TBC1D5: variants seen among roughly 807,000 people sequenced by gnomAD.
The protein encoded by TBC1D5 is TBC1 domain family member 5.
Under a neutral mutation model 100.3 loss-of-function variants are expected in TBC1D5, and 75 were observed. The ratio of observed to expected loss-of-function variants is 0.75; its 90% confidence interval spans 0.62 to 0.91. The LOEUF (loss-of-function observed/expected upper bound fraction) is 0.91. Among genes scored for constraint, TBC1D5 ranks in the 40% least tolerant of loss-of-function variants. The probability of loss-of-function intolerance (pLI) is 0.00; values close to 1 mark genes in which losing one functional copy is unlikely to be tolerated. For synonymous variants in TBC1D5, 323 were observed against 325.6 expected (o/e 0.99, Z 0.09); for missense variants, 910 against 942.4 (o/e 0.97, Z 0.45).
chr3:17,706,075 C>A, intron 1 of TBC1D5: 3 of 1,603,190 alleles, frequency 1.9e-6, no homozygotes, highest in Non-Finnish European at 2.6e-6. Flanking sequence ...CCCCCGACCC[C>A]AGACTGGGCG....
chr3:17,203,321 C>A (rs1465205976), intron 18 of TBC1D5, among the ~76,000 whole-genome samples: 1 of 152,196 alleles, frequency 6.6e-6, no homozygotes, highest in South Asian at 2.1e-4. Context: ...AGTGTCAGTA[C>A]CCCACTGTAT....
At chr3:17,502,154 T>C (rs1184699124) in intron 3 of TBC1D5, among the ~76,000 whole-genome samples, 1 of 149,692 alleles carries the variant, frequency 6.7e-6, no homozygotes, top group Non-Finnish European at 1.5e-5. Flanking sequence ...CTTCTTCCAC[T>C]GATTTTTACT....
chr3:17,592,094 T>C (rs1382069191), intron 2 of TBC1D5, among the ~76,000 whole-genome samples: 1 of 152,234 alleles, frequency 6.6e-6, no homozygotes, highest in African/African-American at 2.4e-5. Context: ...GGCAAATGCC[T>C]TTTTCTCCAT....
At chr3:17,262,498 T>C (rs2078408521) in intron 15 of TBC1D5, among the ~76,000 whole-genome samples, 1 of 129,272 alleles carries the variant, frequency 7.7e-6, no homozygotes, top group Non-Finnish European at 1.7e-5. Context: ...TTTTTTTTTT[T>C]TGAGACAGGG....
At chr3:17,697,879 A>C (rs1285403079) in intron 1 of TBC1D5, among the ~76,000 whole-genome samples, 1 of 151,994 alleles carries the variant, frequency 6.6e-6, no homozygotes, top group African/African-American at 2.4e-5. Flanking sequence ...CAGTAACCAA[A>C]ACAGCATGGT....
intron 1 of TBC1D5, among the ~76,000 whole-genome samples, chr3:17,705,534 G>C (rs1450612032): frequency 1.4e-5 from 2 of 147,474 alleles, no homozygotes; most frequent in Non-Finnish European, 3.0e-5. Flanking sequence ...TCTCAGACGG[G>C]GCGGCCGGGC....
At chr3:17,434,457 A>G (rs968347698) in intron 3 of TBC1D5, among the ~76,000 whole-genome samples, 23 of 152,226 alleles carry the variant, frequency 1.5e-4, no homozygotes, top group African/African-American at 5.1e-4. Context: ...CCCAAGCTGT[A>G]CACTGGATTC....
At chr3:17,539,171 AAAATAAAAAATACAAAT>A (rs913573862) in intron 2 of TBC1D5, among the ~76,000 whole-genome samples, 1 of 152,182 alleles carries the variant, frequency 6.6e-6, no homozygotes, top group African/African-American at 2.4e-5. Flanking sequence ...GAGTGCTCAA[AAAATAAAAAATACAAAT>A]AAATAAAAAA....
intron 3 of TBC1D5, among the ~76,000 whole-genome samples, chr3:17,446,355 G>C (rs1195867007): frequency 1.1e-4 from 17 of 152,060 alleles, no homozygotes; most frequent in Admixed American, 1.1e-3. Context: ...AGATTCTTGA[G>C]ATATTAAGGT....
intron 1 of TBC1D5, among the ~76,000 whole-genome samples, chr3:17,701,255 C>G (rs1279294982): frequency 6.6e-6 from 1 of 152,080 alleles, no homozygotes; most frequent in Non-Finnish European, 1.5e-5. Context: ...CACATGTTCT[C>G]ACTCATAGGT....
intron 1 of TBC1D5, among the ~76,000 whole-genome samples, chr3:17,676,101 G>A (rs920966293): frequency 6.6e-6 from 1 of 151,822 alleles, no homozygotes; most frequent in African/African-American, 2.4e-5. Context: ...ATTACCCCAG[G>A]ATGACAACAG....
intron 13 of TBC1D5, among the ~76,000 whole-genome samples, chr3:17,356,736 A>G (rs1249215347): frequency 6.6e-6 from 1 of 152,174 alleles, no homozygotes; most frequent in African/African-American, 2.4e-5. Context: ...GAGGCCAATC[A>G]TATGTGGGTC....
chr3:17,693,929 C>T (rs1363735258), intron 1 of TBC1D5, among the ~76,000 whole-genome samples: 1 of 152,172 alleles, frequency 6.6e-6, no homozygotes, highest in African/African-American at 2.4e-5. Flanking sequence ...CTGCAGCCTC[C>T]GCTGGTGATA....
At chr3:17,273,693 G>T (rs1028806257) in intron 15 of TBC1D5, among the ~76,000 whole-genome samples, 1 of 151,786 alleles carries the variant, frequency 6.6e-6, no homozygotes, top group African/African-American at 2.4e-5. Flanking sequence ...TGTAATCCCA[G>T]CTACTTGGGA....
chr3:17,739,095 C>T (rs1441515874), intron 1 of TBC1D5, among the ~76,000 whole-genome samples: 1 of 152,160 alleles, frequency 6.6e-6, no homozygotes, highest in Non-Finnish European at 1.5e-5. Context: ...TCTCCCAGCT[C>T]TTCCACTGCT....
At chr3:17,715,055 C>T (rs1164006427) in intron 1 of TBC1D5, among the ~76,000 whole-genome samples, 1 of 152,198 alleles carries the variant, frequency 6.6e-6, no homozygotes, top group Non-Finnish European at 1.5e-5. Flanking sequence ...TCAGAATTAT[C>T]ACAGAATATA....
chr3:17,459,197 C>T (rs903291882), intron 3 of TBC1D5, among the ~76,000 whole-genome samples: 14 of 152,154 alleles, frequency 9.2e-5, no homozygotes, highest in African/African-American at 3.1e-4. Flanking sequence ...TATAGAGCAG[C>T]GGTCCTCAAT....
chr3:17,649,626 T>TA, intron 1 of TBC1D5, among the ~76,000 whole-genome samples: 1 of 151,998 alleles, frequency 6.6e-6, no homozygotes, highest in South Asian at 2.1e-4. Context: ...TGGTGATCAT[T>TA]AAAAAGTCAG....
intron 3 of TBC1D5, among the ~76,000 whole-genome samples, chr3:17,475,362 C>T (rs1213424238): frequency 1.3e-5 from 2 of 152,020 alleles, no homozygotes; most frequent in African/African-American, 4.8e-5. Context: ...TTTATTTCTC[C>T]TCCCCACTCA....
Sources: allele counts gnomAD v4.1 joint callset (sites outside exome capture counted in the v4.1 genomes callset), GRCh38; gene constraint gnomAD v4.1.1; transcripts MANE v1.5; gene names NCBI Gene and HGNC (gene_info 2026-07-23, HGNC 2026-07-21).